FAM228B: variants seen among roughly 807,000 people sequenced by gnomAD.
FAM228B encodes protein FAM228B.
FAM228B carries 38 observed loss-of-function variants against 42.6 expected under a neutral mutation model. That is an observed-to-expected ratio of 0.89 (90% CI 0.69 to 1.17). FAM228B has a LOEUF of 1.17. Ranked by LOEUF, FAM228B falls within the 50% of genes most tolerant of loss-of-function variation. The pLI is 0.00. For synonymous variants in FAM228B, 109 were observed against 122.3 expected, an observed-to-expected ratio of 0.89 and a Z score of 0.72; for missense variants, 344 against 367.3, an observed-to-expected ratio of 0.94 and a Z score of 0.52.
chr2:24,115,466 A>C (rs1665882951), intron 3 of FAM228B: 1 of 848,374 alleles, frequency 1.2e-6, no homozygotes, highest in African/African-American at 1.7e-5. Flanking sequence ...CCCTTAATTC[A>C]TTCTTCTTTT....
chr2:24,077,379 C>A lies in FAM228B; in HGVS notation c.-290+410C>A. 1 of 520,718 alleles carries A rather than the reference C, an allele frequency of 1.9e-6. No individual in the cohort carries two copies. The highest frequency in any genetic ancestry group is 3.2e-5 in the East Asian group (1 of 31,740). The allele number at this position is 520,718 out of a possible 1,614,324, so 32.3% of individuals were successfully genotyped here. A position where few individuals can be genotyped will look rare whatever the true frequency, so the allele number is the denominator to read the frequency against. On this transcript the variant is annotated intron_variant, in intron 1 of 10. Coordinates refer to the FAM228B transcript ENST00000613899. The surrounding 1 kb of genome is among the most constrained non-coding windows in gnomAD (Gnocchi z 5.5). ...CCTCAGTAATCCCCGCTGCGACGCCCGTCCGGACTCCCACCTCAACCCCGC... is the reference window on the plus strand; with the variant it reads ...CCTCAGTAATCCCCGCTGCGACGCCAGTCCGGACTCCCACCTCAACCCCGC...
chr2:24,138,144 TA>T (rs1395566562), intron 4 of FAM228B, 44 bp downstream of exon 4: 85 of 1,380,056 alleles, frequency 6.2e-5, no homozygotes, highest in Non-Finnish European at 8.0e-5. Context: ...GATTTAGACC[TA>T]ATGTCATCTT....
At chr2:24,088,997 T>C (rs1267929440) in intron 2 of FAM228B, among the ~76,000 whole-genome samples, 2 of 152,262 alleles carry the variant, frequency 1.3e-5, no homozygotes, top group Admixed American at 1.3e-4. Context: ...AGAAACAGTG[T>C]GGTTTCCCAG....
intron 3 of FAM228B, 98 bp from the exon 4 acceptor site, chr2:24,137,811 T>C: frequency 1.4e-6 from 1 of 740,226 alleles, no homozygotes; most frequent in Non-Finnish European, 2.2e-6. Context: ...GGGTTATTCT[T>C]AGGAGTAATT....
Position 24,084,101 on chromosome 2 carries a change from CCTTCACGT to C in FAM228B, c.-210+3149_-210+3156del. Reference sequence around the variant, plus strand: ...CCTGCTGGGTGTGGAGCGGTGCACGCCTTCACGTCTGGTCAATGTCCACTGAGTGCTGT... The same window carrying C: ...CCTGCTGGGTGTGGAGCGGTGCACGCCTGGTCAATGTCCACTGAGTGCTGT... On this transcript the variant is annotated intron_variant, in intron 2 of 10. Transcript: ENST00000613899. This position sits in a 1 kb window ranked among gnomAD's most constrained non-coding sequence, Gnocchi z 8.4. 6.7e-7 allele frequency: 1 copy of C among 1,500,662 alleles called. No individual in the cohort carries two copies. The highest frequency in any genetic ancestry group is 8.9e-7 in the Non-Finnish European group (1 of 1,127,814). 93.0% of individuals were successfully genotyped at this position (1,500,662 alleles called of 1,614,324 possible). A position where few individuals can be genotyped will look rare whatever the true frequency, so the allele number is the denominator to read the frequency against.
At chr2:24,113,767 C>G (rs550762106) in intron 3 of FAM228B, among the ~76,000 whole-genome samples, 1 of 152,196 alleles carries the variant, frequency 6.6e-6, no homozygotes, top group Non-Finnish European at 1.5e-5. Context: ...ATCCCAGCTA[C>G]TTGGGGGGCT....
intron 10 of FAM228B, 101 bp downstream of exon 10, chr2:24,167,784 G>A (rs548628826): frequency 3.8e-4 from 518 of 1,370,432 alleles, no homozygotes; most frequent in Non-Finnish European, 4.9e-4. Flanking sequence ...TGGGAGGGAG[G>A]AAAGAGAAAT....
At chr2:24,123,576 C>A (rs1447712069) in intron 1 of FAM228B, 43 bp downstream of exon 1, 1 of 152,090 alleles carries the variant, frequency 6.6e-6, no homozygotes, top group Non-Finnish European at 1.5e-5. Flanking sequence ...CGGGCGGGCT[C>A]CCTTCCAGCC....
At chr2:24,163,644 G>T (rs1256695930) in intron 8 of FAM228B, among the ~76,000 whole-genome samples, 1 of 152,144 alleles carries the variant, frequency 6.6e-6, no homozygotes, top group Non-Finnish European at 1.5e-5. Context: ...ACAATAATCA[G>T]CATCTTAATT....
chr2:24,137,556 A>T (rs981010074), intron 3 of FAM228B, among the ~76,000 whole-genome samples: 1 of 152,154 alleles, frequency 6.6e-6, no homozygotes, highest in African/African-American at 2.4e-5. Context: ...GCAGTGTCCC[A>T]GTCATGGTGT....
chr2:24,119,567 G>A, upstream of FAM228B: 1 of 1,606,296 alleles, frequency 6.2e-7, no homozygotes, highest in South Asian at 1.1e-5. Context: ...GAACTAGGAG[G>A]CCAACTTACC....
intron 3 of FAM228B, among the ~76,000 whole-genome samples, chr2:24,102,602 G>T (rs766543773): frequency 6.6e-6 from 1 of 152,150 alleles, no homozygotes; most frequent in Non-Finnish European, 1.5e-5. Flanking sequence ...GCTGGGTATG[G>T]TGGCAGGTGC....
intron 2 of FAM228B, among the ~76,000 whole-genome samples, chr2:24,094,720 G>A (rs1438799754): frequency 6.6e-6 from 1 of 152,036 alleles, no homozygotes; most frequent in Non-Finnish European, 1.5e-5. Flanking sequence ...TGGCCTCAAG[G>A]GATCCTCCTT....
intron 3 of FAM228B, among the ~76,000 whole-genome samples, chr2:24,135,973 A>T: frequency 8.2e-6 from 1 of 121,812 alleles, no homozygotes; most frequent in East Asian, 2.4e-4. Flanking sequence ...GTTATAGTGA[A>T]GGGTTTTTTT....
At chr2:24,102,306 T>C (rs1665623970) in intron 3 of FAM228B, among the ~76,000 whole-genome samples, 2 of 152,226 alleles carry the variant, frequency 1.3e-5, no homozygotes, top group Admixed American at 1.3e-4. Context: ...TTATTAATTA[T>C]ATCTGCTATT....
chr2:24,123,835 G>A (rs1355832741), intron 1 of FAM228B, among the ~76,000 whole-genome samples: 4 of 152,142 alleles, frequency 2.6e-5, no homozygotes, highest in Non-Finnish European at 5.9e-5. Flanking sequence ...GCGAGAGCGG[G>A]TGCGGACGCC....
At chr2:24,133,100 G>C (rs955164226) in intron 2 of FAM228B, among the ~76,000 whole-genome samples, 1 of 152,046 alleles carries the variant, frequency 6.6e-6, no homozygotes, top group African/African-American at 2.4e-5. Context: ...GTTTCTATCT[G>C]AGTTTTAGCC....
intron 2 of FAM228B, among the ~76,000 whole-genome samples, chr2:24,134,345 C>A (rs576830098): frequency 6.6e-6 from 1 of 152,296 alleles, no homozygotes; most frequent in East Asian, 1.9e-4. Flanking sequence ...GACATTTCTT[C>A]TATGTATAGA....
chr2:24,077,458 T>TTAAAAAA lies in FAM228B; in HGVS notation c.-290+489_-290+490insTAAAAAA. On this transcript the variant is annotated intron_variant, in intron 1 of 10. Coordinates refer to the FAM228B transcript ENST00000613899. The surrounding 1 kb of genome is among the most constrained non-coding windows in gnomAD (Gnocchi z 5.5). Reference sequence around the variant, plus strand: ...TTCCAGTTCACTCTTTATTTCCTCATATCAGCTTTAAACGGCTCTGGAGGA... The same window carrying TTAAAAAA: ...TTCCAGTTCACTCTTTATTTCCTCATTAAAAAAATCAGCTTTAAACGGCTCTGGAGGA... 2 of 1,178,568 alleles carry TTAAAAAA rather than the reference T, an allele frequency of 1.7e-6. No individual in the cohort carries two copies. Among genetic ancestry groups the TTAAAAAA allele is most frequent in the Admixed American group, 2.9e-5 (1 of 34,030 alleles). 73.0% of individuals were successfully genotyped at this position (1,178,568 alleles called of 1,614,324 possible).
Sources: allele counts gnomAD v4.1 joint callset (sites outside exome capture counted in the v4.1 genomes callset), GRCh38; gene constraint gnomAD v4.1.1; non-coding constraint Gnocchi (gnomAD v3.1); transcripts MANE v1.5; gene names NCBI Gene and HGNC (gene_info 2026-07-23, HGNC 2026-07-21).